Variants in ANO6 observed in about 807,000 individuals in gnomAD.
The protein encoded by ANO6 is anoctamin 6, also known as anoctamin-6.
Under a neutral mutation model 117.5 loss-of-function variants are expected in ANO6, and 106 were observed. The observed-to-expected ratio is 0.90, with a 90% CI of 0.77 to 1.06. The LOEUF is 1.06. Ranked by LOEUF, ANO6 falls within the 50% of genes least tolerant of loss-of-function variation. The probability of loss-of-function intolerance (pLI) is 0.00; values close to 1 mark genes in which losing one functional copy is unlikely to be tolerated. For missense variants in ANO6, 955 were observed against 1,121.1 expected (o/e 0.85, Z 2.12); for synonymous variants, 367 against 385.1 (o/e 0.95, Z 0.55).
rs776329420 is a variant in ANO6, at chr12:45,292,974, G to A, written c.71-9040G>A. 5.2e-5 allele frequency: 81 copies of A among 1,550,904 alleles called. No individual in the cohort carries two copies. In the South Asian group the frequency reaches 5.6e-4, roughly 11 times the overall value. On this transcript the variant is annotated intron_variant, in intron 1 of 19. Coordinates refer to ENST00000320560, the MANE Select transcript of ANO6 (RefSeq NM_001025356.3). ...CTATTTGGTGAGTTGCTGGAACAGT[G>A]AGCAGTGGGCAGAGTGCCGGGGAGG...
intron 1 of ANO6, among the ~76,000 whole-genome samples, chr12:45,287,524 A>C (rs1195278104): frequency 6.6e-6 from 1 of 152,228 alleles, no homozygotes; most frequent in African/African-American, 2.4e-5. Context: ...TGTGAGCTGT[A>C]TTATCCATAG....
chr12:45,283,761 C>T (rs1034742962), intron 1 of ANO6, among the ~76,000 whole-genome samples: 11 of 152,132 alleles, frequency 7.2e-5, no homozygotes, highest in Admixed American at 4.6e-4. Flanking sequence ...TTCCTATGAG[C>T]CTGCAGGGCC....
At position 45,430,820 on chromosome 12, in the gene ANO6, C is replaced by T; in HGVS notation, c.*1509C>T. 5 of 985,392 alleles carry T rather than the reference C, an allele frequency of 5.1e-6. No homozygotes were observed. Among genetic ancestry groups the T allele is most frequent in the Non-Finnish European group, 6.0e-6 (5 of 830,012 alleles). 61.0% of individuals were successfully genotyped at this position (985,392 alleles called of 1,614,324 possible). A position where few individuals can be genotyped will look rare whatever the true frequency, so the allele number is the denominator to read the frequency against. On this transcript the variant is annotated 3_prime_UTR_variant, in exon 20 of 20. Transcript: ENST00000320560. ...GGGCGCTCTGGAAAAGACAGGGAGC[C>T]AGGCCCTCTCACCCCTACTGGTAAC...
At chr12:45,358,216 C>T (rs566473792) in intron 8 of ANO6, among the ~76,000 whole-genome samples, 2 of 152,334 alleles carry the variant, frequency 1.3e-5, no homozygotes, top group African/African-American at 4.8e-5. Context: ...ATTTTTCAAG[C>T]CTGAAGCATG....
intron 7 of ANO6, among the ~76,000 whole-genome samples, chr12:45,352,868 C>T (rs894508838): frequency 2.0e-5 from 3 of 152,286 alleles, no homozygotes; most frequent in Non-Finnish European, 2.9e-5. Context: ...TACAATCTCT[C>T]AAATTTCTTC....
At chr12:45,354,541 G>A (rs1006239591) in intron 7 of ANO6, among the ~76,000 whole-genome samples, 1 of 152,054 alleles carries the variant, frequency 6.6e-6, no homozygotes, top group Non-Finnish European at 1.5e-5. Context: ...TCTGTGATGG[G>A]GCTTGGAGAG....
In ANO6 at chr12:45,431,116, G is replaced by C; in HGVS notation, c.*1805G>C. 1.0e-6 allele frequency: 1 copy of C among 985,298 alleles called. No individual in the cohort carries two copies. Among genetic ancestry groups the C allele is most frequent in the Non-Finnish European group, 1.2e-6 (1 of 829,830 alleles). The allele number at this position is 985,298 out of a possible 1,614,324, so 61.0% of individuals were successfully genotyped here. ...TTTTGAATTGTCCCAGTGGATCCGG[G>C]ACCCCATTTCACTGTCTCTCTTGAT... On this transcript the variant is annotated 3_prime_UTR_variant, in exon 20 of 20. Coordinates refer to ENST00000320560, the MANE Select transcript of ANO6 (RefSeq NM_001025356.3).
intron 1 of ANO6, among the ~76,000 whole-genome samples, chr12:45,252,500 G>A (rs2137190749): frequency 6.6e-6 from 1 of 152,166 alleles, no homozygotes; most frequent in Non-Finnish European, 1.5e-5. Context: ...TGTTGTTGTT[G>A]TTAACTACTG....
chr12:45,293,043 G>A, intron 1 of ANO6: 1 of 1,452,462 alleles, frequency 6.9e-7, no homozygotes, highest in South Asian at 1.3e-5. Context: ...TGAGTATTTG[G>A]TCTTGAAGGG....
At chr12:45,372,141 G>A (rs1320851947) in intron 9 of ANO6, among the ~76,000 whole-genome samples, 1 of 152,130 alleles carries the variant, frequency 6.6e-6, no homozygotes, top group East Asian at 1.9e-4. Context: ...TGAAATGAAA[G>A]GAGAAGGGAA....
chr12:45,349,987 C>G (rs1402475249), intron 6 of ANO6, among the ~76,000 whole-genome samples: 1 of 152,056 alleles, frequency 6.6e-6, no homozygotes, highest in African/African-American at 2.4e-5. Context: ...AACAAATGGT[C>G]CCATGTGGTA....
intron 15 of ANO6, among the ~76,000 whole-genome samples, chr12:45,404,632 T>C (rs773806694): frequency 6.6e-6 from 1 of 152,126 alleles, no homozygotes; most frequent in Non-Finnish European, 1.5e-5. Context: ...GTTTCGTGTT[T>C]GTGACTATCT....
chr12:45,388,950 A>G (rs575462225), intron 11 of ANO6, among the ~76,000 whole-genome samples: 2 of 152,224 alleles, frequency 1.3e-5, no homozygotes, highest in Non-Finnish European at 2.9e-5. Flanking sequence ...TAAATATTCC[A>G]AAGTCCCTGA....
At position 45,229,451 on chromosome 12, in the gene ANO6, G is replaced by A. The variant is rs28623005; in HGVS notation, c.70+13060G>A. Among the ~76,000 whole-genome samples the A allele has an allele frequency of 7.6e-3, 1,104 of 145,096 alleles. 17 individuals carry two copies. The highest frequency in any genetic ancestry group is 0.026 in the African/African-American group (1,033 of 39,328). On this transcript the variant is annotated intron_variant, in intron 1 of 19. Coordinates refer to ENST00000320560, the MANE Select transcript of ANO6 (RefSeq NM_001025356.3). ...GTCGCCCAGGCTGGAGTGCAATGGCGTGATCTCAGCTCACTGCAACCTCCA... is the reference window on the plus strand; with the variant it reads ...GTCGCCCAGGCTGGAGTGCAATGGCATGATCTCAGCTCACTGCAACCTCCA...
intron 1 of ANO6, among the ~76,000 whole-genome samples, chr12:45,220,388 A>G (rs1379995599): frequency 1.3e-5 from 2 of 152,110 alleles, no homozygotes; most frequent in African/African-American, 2.4e-5. Flanking sequence ...CTCCCTTTTC[A>G]ACTGTCACAT....
At chr12:45,260,834 C>G (rs553859438) in intron 1 of ANO6, among the ~76,000 whole-genome samples, 2 of 152,110 alleles carry the variant, frequency 1.3e-5, no homozygotes, top group Non-Finnish European at 2.9e-5. Flanking sequence ...GTCACCCAGG[C>G]TGGAGTGCAG....
At chr12:45,438,248 T>G in intron 19 of ANO6, among the ~76,000 whole-genome samples, 1 of 113,502 alleles carries the variant, frequency 8.8e-6, no homozygotes, top group African/African-American at 3.1e-5. Flanking sequence ...CATATTTGCG[T>G]GTATGTGTGT....
chr12:45,373,725 A>C (rs1389409375), intron 9 of ANO6, among the ~76,000 whole-genome samples: 1 of 152,150 alleles, frequency 6.6e-6, no homozygotes, highest in Non-Finnish European at 1.5e-5. Flanking sequence ...TATAGAGGGA[A>C]ATTTATAGCA....
intron 1 of ANO6, among the ~76,000 whole-genome samples, chr12:45,286,414 C>T (rs565765670): frequency 6.6e-6 from 1 of 152,068 alleles, no homozygotes; most frequent in Admixed American, 6.5e-5. Context: ...ATTATTTAAC[C>T]GATGACTTAA....
Sources: allele counts gnomAD v4.1 joint callset (sites outside exome capture counted in the v4.1 genomes callset), GRCh38; gene constraint gnomAD v4.1.1; transcripts MANE v1.5; gene names NCBI Gene and HGNC (gene_info 2026-07-23, HGNC 2026-07-21).